Variants in GRIK4 observed in about 807,000 individuals in gnomAD.
GRIK4 encodes the protein glutamate ionotropic receptor kainate type subunit 4, also known as glutamate receptor ionotropic, kainate 4.
In GRIK4, 40 loss-of-function variants were observed where a neutral mutation model predicts 104.9. The observed-to-expected ratio is 0.38, with a 90% CI of 0.30 to 0.50. GRIK4 has a LOEUF of 0.50. Among genes scored for constraint, GRIK4 ranks in the 20% least tolerant of loss-of-function variants. GRIK4 has a pLI of 0.93. For synonymous variants in GRIK4, 485 were observed against 524.9 expected, an observed-to-expected ratio of 0.92 and a Z score of 1.04; for missense variants, 1,047 against 1,308.1, an observed-to-expected ratio of 0.80 and a Z score of 3.08.
intron 3 of GRIK4, among the ~76,000 whole-genome samples, chr11:120,787,852 C>CTTTTCTTTTTTTTTTTTT (rs1952314500): frequency 1.3e-5 from 1 of 77,122 alleles, no homozygotes; most frequent in Non-Finnish European, 2.3e-5. Flanking sequence ...CTTTTCTTTT[C>CTTTTCTTTTTTTTTTTTT]TTTTTTTTTT....
chr11:120,979,572 G>C (rs1162764532), intron 19 of GRIK4, among the ~76,000 whole-genome samples: 2 of 152,194 alleles, frequency 1.3e-5, no homozygotes, highest in East Asian at 3.9e-4. Context: ...GAAGGAGAGA[G>C]AAGTGTTGGA....
intron 1 of GRIK4, among the ~76,000 whole-genome samples, chr11:120,643,391 T>C (rs1391902874): frequency 6.6e-6 from 1 of 152,156 alleles, no homozygotes; most frequent in African/African-American, 2.4e-5. Context: ...AAGGTGGGAA[T>C]GTGCAGGGTG....
chr11:120,526,442 C>A (rs1947857637), intron 1 of GRIK4, among the ~76,000 whole-genome samples: 1 of 152,226 alleles, frequency 6.6e-6, no homozygotes, highest in African/African-American at 2.4e-5. Context: ...AAGCGATCCT[C>A]CCACCTCGGC....
chr11:120,889,588 CATTTTTTTTTT>C lies in GRIK4; in HGVS notation c.1165-8943_1165-8933del, dbSNP rs1320605346. Among the ~76,000 whole-genome samples, 8 of 67,148 alleles carry C rather than the reference CATTTTTTTTTT, an allele frequency of 1.2e-4. No homozygotes were observed. In the East Asian group the frequency reaches 3.4e-3, roughly 29 times the overall value. 44.1% of individuals were successfully genotyped at this position (67,148 alleles called of 152,430 possible). A position where few individuals can be genotyped will look rare whatever the true frequency, so the allele number is the denominator to read the frequency against. On this transcript the variant is annotated intron_variant, in intron 11 of 20. Transcript: ENST00000527524. ...AATAGAATAAAATAGAAAGAGCTTA[CATTTTTTTTTT>C]TTTTTTTTTTTTTTTTTTTTATGAG...
chr11:120,668,091 A>ATAGG (rs1197150840), intron 3 of GRIK4, among the ~76,000 whole-genome samples: 3 of 144,092 alleles, frequency 2.1e-5, no homozygotes, highest in African/African-American at 7.9e-5. Context: ...TCATAGATGG[A>ATAGG]TAGATAGATG....
At chr11:120,651,348 G>A (rs924968186) in intron 1 of GRIK4, among the ~76,000 whole-genome samples, 1 of 152,188 alleles carries the variant, frequency 6.6e-6, no homozygotes, top group Non-Finnish European at 1.5e-5. Context: ...GCCAGCCCAA[G>A]GATGCATAGT....
chr11:120,713,625 C>T (rs1950778229), intron 3 of GRIK4, among the ~76,000 whole-genome samples: 1 of 152,122 alleles, frequency 6.6e-6, no homozygotes, highest in Non-Finnish European at 1.5e-5. Context: ...TTTATCTTCT[C>T]TGGCTACAGA....
At chr11:120,597,390 G>A (rs1948817488) in intron 1 of GRIK4, among the ~76,000 whole-genome samples, 1 of 152,132 alleles carries the variant, frequency 6.6e-6, no homozygotes, top group Non-Finnish European at 1.5e-5. Context: ...CACACGGTGG[G>A]AGCTGGGCAG....
intron 1 of GRIK4, among the ~76,000 whole-genome samples, chr11:120,574,727 C>G (rs182903449): frequency 1.3e-5 from 2 of 152,270 alleles, no homozygotes; most frequent in Admixed American, 1.3e-4. Context: ...AGGAATGAAC[C>G]AATTCTTACA....
chr11:120,868,906 G>A (rs1343590710), intron 9 of GRIK4: 3 of 152,234 alleles, frequency 2.0e-5, no homozygotes, highest in Non-Finnish European at 2.9e-5. Flanking sequence ...TTTTGTAACA[G>A]AAACTGCTTC....
intron 8 of GRIK4, among the ~76,000 whole-genome samples, chr11:120,854,119 G>A (rs1296193919): frequency 3.9e-5 from 6 of 152,218 alleles, no homozygotes; most frequent in Admixed American, 6.5e-5. Flanking sequence ...AGCCACATCC[G>A]TGGAAGCAGT....
intron 3 of GRIK4, among the ~76,000 whole-genome samples, chr11:120,694,843 AAAG>A (rs1187965229): frequency 6.6e-6 from 1 of 152,134 alleles, no homozygotes; most frequent in African/African-American, 2.4e-5. Flanking sequence ...CCCTTTATAA[AAAG>A]AAGAAGACAG....
In GRIK4 at chr11:120,986,219, C is replaced by A; in HGVS notation, c.2830C>A (p.Leu944Met). 1 of 1,570,912 alleles carries A rather than the reference C, an allele frequency of 6.4e-7. No individual in the cohort carries two copies. The highest frequency in any genetic ancestry group is 1.1e-5 in the South Asian group (1 of 88,682). Residue 944 changes from leucine to methionine, a missense_variant, in exon 21 of 21, where the codon CTG (leucine) becomes ATG (methionine). Physicochemically the swap from Leu to Met is conservative, Grantham distance 15. This residue lies in a region of GRIK4 where 160 missense variants were observed against 140.9 expected (regional missense o/e 1.14). Coordinates refer to ENST00000527524, the MANE Select transcript of GRIK4 (RefSeq NM_014619.5). ...RPSPARSEES[L>M]EWEKTTNSSE... ...GTCGCCCGCCCGCAGCGAGGAGAGC[C>A]TGGAGTGGGAGAAAACCACCAACAG...
intron 3 of GRIK4, among the ~76,000 whole-genome samples, chr11:120,782,309 G>A (rs1326561878): frequency 4.3e-5 from 6 of 138,324 alleles, no homozygotes; most frequent in East Asian, 2.1e-4. Context: ...TTTTTGAGAC[G>A]GAGTCTCGCT....
At chr11:120,667,923 C>A (rs749176653) in intron 3 of GRIK4, among the ~76,000 whole-genome samples, 1 of 152,194 alleles carries the variant, frequency 6.6e-6, no homozygotes, top group African/African-American at 2.4e-5. Context: ...CTCTATCTAT[C>A]TGAGTATGAC....
At chr11:120,654,928 C>T (rs1257992035) in intron 2 of GRIK4, among the ~76,000 whole-genome samples, 2 of 152,108 alleles carry the variant, frequency 1.3e-5, no homozygotes, top group Non-Finnish European at 2.9e-5. Flanking sequence ...CTCCCCTTCT[C>T]GGCATATATT....
chr11:120,861,744 G>A (rs1428029660), intron 8 of GRIK4, among the ~76,000 whole-genome samples: 3 of 151,642 alleles, frequency 2.0e-5, no homozygotes, highest in East Asian at 2.0e-4. Context: ...CTTGTGTAGA[G>A]ATCATTCTGC....
intron 3 of GRIK4, among the ~76,000 whole-genome samples, chr11:120,715,810 G>C (rs940762956): frequency 6.6e-6 from 1 of 152,182 alleles, no homozygotes; most frequent in Non-Finnish European, 1.5e-5. Context: ...TTTTGAGATA[G>C]AACTGGGGAG....
At chr11:120,973,085 T>A (rs1231987905) in intron 19 of GRIK4, among the ~76,000 whole-genome samples, 1 of 152,142 alleles carries the variant, frequency 6.6e-6, no homozygotes, top group Non-Finnish European at 1.5e-5. Flanking sequence ...AGACACTGGA[T>A]TTAAGTGAAT....
Sources: gnomAD v4.1 joint callset for allele counts (sites outside exome capture counted in the v4.1 genomes callset) on GRCh38, gnomAD v4.1.1 for gene constraint, gnomAD v4.1.1 regional missense constraint, MANE v1.5 for transcripts, NCBI Gene and HGNC (gene_info 2026-07-23, HGNC 2026-07-21) for gene names.